TMEM181: variants seen among roughly 807,000 people sequenced by gnomAD.
The protein encoded by TMEM181 is G protein-coupled receptor 178.
In TMEM181, 39 loss-of-function variants were observed where a neutral mutation model predicts 71.9. That is an observed-to-expected ratio of 0.54 (90% CI 0.42 to 0.71). The LOEUF is 0.71. TMEM181 is among the 30% of genes least tolerant of loss of function. The pLI is 0.00. For synonymous variants in TMEM181, 245 were observed against 228.8 expected (o/e 1.07, Z -0.64); for missense variants, 595 against 583.0 (o/e 1.02, Z -0.21).
intron 11 of TMEM181, 141 bp from the exon 12 acceptor site, chr6:158,624,963 C>T (rs1485086742): frequency 2.8e-6 from 2 of 708,358 alleles, no homozygotes; most frequent in East Asian, 5.0e-5. Flanking sequence ...CGGCTGGGAG[C>T]CCATTGTTCT....
chr6:158,625,686 GTTTC>G lies in TMEM181; in HGVS notation c.1058-9_1058-6del, dbSNP rs766801741. The G allele has an allele frequency of 6.3e-6, 10 of 1,599,160 alleles. No homozygotes were observed. In the Admixed American group the frequency reaches 8.9e-5, roughly 14 times the overall value. ...AATTTACTTCCAGAGTTGTTAATGAGTTTCTTTCTTTTTCAGATCTCAGGTTGAA... is the reference window on the plus strand; with the variant it reads ...AATTTACTTCCAGAGTTGTTAATGAGTTTCTTTTTCAGATCTCAGGTTGAA... On this transcript the variant is annotated splice_polypyrimidine_tract_variant and intron_variant, in intron 12 of 16. Coordinates refer to ENST00000684151, the MANE Select transcript of TMEM181 (RefSeq NM_001376852.1).
At chr6:158,611,234 G>T (rs976773234) in intron 10 of TMEM181, 2 of 499,332 alleles carry the variant, frequency 4.0e-6, no homozygotes, top group African/African-American at 2.0e-5. Flanking sequence ...CTCAGCAGGG[G>T]TGACTGTGAC....
Position 158,580,931 on chromosome 6 carries a change from A to G in TMEM181, c.113-9A>G. 6.3e-7 allele frequency: 1 copy of G among 1,589,948 alleles called. No homozygotes were observed. The highest frequency in any genetic ancestry group is 1.3e-5 in the African/African-American group (1 of 74,692). Reference sequence around the variant, plus strand: ...TAATCTGCTTTTGTCCTTTTCTGTTACACTTTAGGACCTAAAGTGATCCAG... The same window carrying G: ...TAATCTGCTTTTGTCCTTTTCTGTTGCACTTTAGGACCTAAAGTGATCCAG... On this transcript the variant is annotated splice_polypyrimidine_tract_variant and intron_variant, in intron 2 of 16. Coordinates refer to ENST00000684151, the MANE Select transcript of TMEM181 (RefSeq NM_001376852.1).
intron 1 of TMEM181, among the ~76,000 whole-genome samples, 179 bp downstream of exon 1, chr6:158,560,411 G>A (rs1782089994): frequency 6.6e-6 from 1 of 152,080 alleles, no homozygotes; most frequent in African/African-American, 2.4e-5. Context: ...TGTTTGCGCG[G>A]GGCGAGAGTA....
upstream of TMEM181, among the ~76,000 whole-genome samples, chr6:158,557,732 G>A (rs886230169): frequency 2.2e-4 from 34 of 152,170 alleles, no homozygotes; most frequent in African/African-American, 8.2e-4. Flanking sequence ...GGCCAAGATG[G>A]TCTTGAACTC....
chr6:158,546,139 T>C (rs76251651), intron 1 of TMEM181, among the ~76,000 whole-genome samples: 2,941 of 152,302 alleles, frequency 0.019, 86 homozygotes, highest in African/African-American at 0.066. Flanking sequence ...CTATTCCATC[T>C]GGAAAGGTCA....
intron 10 of TMEM181, chr6:158,611,803 T>C (rs1785330868): frequency 5.1e-6 from 1 of 197,514 alleles, no homozygotes; most frequent in Non-Finnish European, 1.0e-5. Context: ...TGAGAGGGCC[T>C]TCTGGCCGAG....
upstream of TMEM181, among the ~76,000 whole-genome samples, chr6:158,557,273 C>G (rs2128283124): frequency 6.6e-6 from 1 of 152,212 alleles, no homozygotes; most frequent in Admixed American, 6.5e-5. Context: ...ACATGGGAGA[C>G]TGAGGCCGGA....
intron 1 of TMEM181, among the ~76,000 whole-genome samples, chr6:158,563,805 CT>C (rs1166592586): frequency 6.6e-6 from 1 of 152,128 alleles, no homozygotes; most frequent in Non-Finnish European, 1.5e-5. Context: ...CACATAATAG[CT>C]TTGCGAACTC....
intron 10 of TMEM181, chr6:158,611,706 C>T (rs1284535141): frequency 3.0e-5 from 7 of 232,164 alleles, no homozygotes; most frequent in Non-Finnish European, 6.0e-5. Context: ...CGAGGAATGC[C>T]GGGGAGGAAT....
chr6:158,599,865 G>T (rs9355249), intron 6 of TMEM181, among the ~76,000 whole-genome samples: 6,881 of 152,350 alleles, frequency 0.045, 345 homozygotes, highest in East Asian at 0.14. Flanking sequence ...AGCTGGGCTG[G>T]CCCAGGAGGA....
At chr6:158,547,867 A>G (rs989357941) in intron 1 of TMEM181, among the ~76,000 whole-genome samples, 4 of 145,912 alleles carry the variant, frequency 2.7e-5, no homozygotes, top group Non-Finnish European at 6.0e-5. Context: ...GGCCTGGGCA[A>G]CAAGAGCAAA....
chr6:158,586,623 T>C (rs1783786238), intron 5 of TMEM181, among the ~76,000 whole-genome samples: 2 of 151,752 alleles, frequency 1.3e-5, no homozygotes, highest in South Asian at 2.1e-4. Flanking sequence ...TTACTAGTGA[T>C]ACATATACTG....
At chr6:158,541,747 G>T (rs1241503836) in intron 1 of TMEM181, among the ~76,000 whole-genome samples, 2 of 152,152 alleles carry the variant, frequency 1.3e-5, no homozygotes, top group Non-Finnish European at 1.5e-5. Flanking sequence ...TACTGATTTT[G>T]ATGTAAGCAT....
intron 1 of TMEM181, among the ~76,000 whole-genome samples, chr6:158,570,623 T>C (rs1340949646): frequency 6.6e-6 from 1 of 152,148 alleles, no homozygotes; most frequent in African/African-American, 2.4e-5. Context: ...CCCTGCCCTC[T>C]GCACCCACAC....
At position 158,573,477 on chromosome 6, in the gene TMEM181, C is replaced by T. The variant is rs772693935; in HGVS notation, c.66C>T (p.Val22=). The T allele has an allele frequency of 9.3e-6, 15 of 1,606,444 alleles. No homozygotes were observed. Among genetic ancestry groups the T allele is most frequent in the Admixed American group, 1.7e-5 (1 of 58,906 alleles). Residue 22 remains valine (V), a synonymous_variant, in exon 2 of 17, where the codon GTC becomes GTT. Coordinates refer to ENST00000684151, the MANE Select transcript of TMEM181 (RefSeq NM_001376852.1). The part of the protein sequence containing the change: ...LSKRHFVLVF[V]VFFICFGLTI... ...AGCGCCACTTTGTCCTCGTGTTTGT[C>T]GTCTTCTTCATCTGCTTTGGCCTGA...
chr6:158,611,621 T>TC, intron 10 of TMEM181: 1 of 341,488 alleles, frequency 2.9e-6, no homozygotes. Flanking sequence ...GTGGAGGGGT[T>TC]CCCCCTGACG....
chr6:158,587,438 C>T (rs1783831297), intron 5 of TMEM181, among the ~76,000 whole-genome samples: 1 of 152,104 alleles, frequency 6.6e-6, no homozygotes, highest in South Asian at 2.1e-4. Context: ...GGAGCATTGC[C>T]CTGGCTTTAA....
At chr6:158,621,961 G>T (rs1280265065) in intron 10 of TMEM181, among the ~76,000 whole-genome samples, 1 of 152,168 alleles carries the variant, frequency 6.6e-6, no homozygotes, top group Non-Finnish European at 1.5e-5. Flanking sequence ...TCGCCCACCT[G>T]CCCTGGGCTG....
Sources: allele counts gnomAD v4.1 joint callset (sites outside exome capture counted in the v4.1 genomes callset), GRCh38; gene constraint gnomAD v4.1.1; transcripts MANE v1.5; gene names NCBI Gene and HGNC (gene_info 2026-07-23, HGNC 2026-07-21).